The following RGS6 variants were observed in gnomAD, a reference collection of about 807,000 sequenced individuals.
RGS6 encodes the protein regulator of G-protein signaling 6.
RGS6 carries 30 observed loss-of-function variants against 78.5 expected under a neutral mutation model. That is an observed-to-expected ratio of 0.38 (90% CI 0.29 to 0.52). The LOEUF (loss-of-function observed/expected upper bound fraction) is 0.52, where lower values mean the gene tolerates loss of function less well. Among genes scored for constraint, RGS6 ranks in the 20% least tolerant of loss-of-function variants. The pLI, the probability that RGS6 is intolerant of heterozygous loss-of-function variation, is 0.85. For missense variants in RGS6, 495 were observed against 609.7 expected (o/e 0.81, Z 1.98); for synonymous variants, 206 against 206.0 (o/e 1.00, Z 0.00).
At chr14:72,040,457 C>A (rs58454939) in intron 2 of RGS6, among the ~76,000 whole-genome samples, 17,661 of 151,736 alleles carry the variant, frequency 0.12, 1,033 homozygotes, top group East Asian at 0.17. Flanking sequence ...GGCGTATAAA[C>A]TTTCTGCTGA....
At chr14:72,535,251 G>A (rs993334317) in intron 15 of RGS6, among the ~76,000 whole-genome samples, 2 of 152,174 alleles carry the variant, frequency 1.3e-5, no homozygotes, top group Non-Finnish European at 2.9e-5. Flanking sequence ...AAAAGAGGCG[G>A]CACCTTGCTG....
chr14:72,015,072 A>G (rs1480048634), intron 2 of RGS6, among the ~76,000 whole-genome samples: 1 of 152,222 alleles, frequency 6.6e-6, no homozygotes, highest in East Asian at 1.9e-4. Context: ...GTAATTAATA[A>G]AGAAAAGAAG....
At chr14:72,223,859 A>G (rs192371787) in intron 2 of RGS6, among the ~76,000 whole-genome samples, 1 of 152,290 alleles carries the variant, frequency 6.6e-6, no homozygotes. Flanking sequence ...CTTGGGCTAC[A>G]CTCCAGACCT....
intron 12 of RGS6, 82 bp downstream of exon 12, chr14:72,478,411 G>T: frequency 1.0e-6 from 1 of 995,088 alleles, no homozygotes; most frequent in Non-Finnish European, 1.6e-6. Flanking sequence ...TAACGAATGT[G>T]TTCAATGCCA....
chr14:72,629,586 T>G, the RGS6 span: 1 of 1,512,804 alleles, frequency 6.6e-7, no homozygotes, highest in Non-Finnish European at 8.9e-7. Flanking sequence ...CCCAGCTCTG[T>G]GGATTTCTCC....
Position 72,496,294 on chromosome 14 carries a change from T to C in RGS6, c.965+1032T>C, listed in dbSNP as rs1481138457. Among the ~76,000 whole-genome samples, 11 of 152,334 alleles carry C rather than the reference T, an allele frequency of 7.2e-5. No individual in the cohort carries two copies. The East Asian group carries it at 1.9e-3, about 27-fold the overall frequency. ...CAGAGTTACCACTGGATAGTCCAAA[T>C]TTTTTATGGAAACACAGCGATGGTT... On this transcript the variant is annotated intron_variant, in intron 13 of 17. Coordinates refer to ENST00000553525, the MANE Select transcript of RGS6 (RefSeq NM_001204424.2).
chr14:72,417,043 G>A (rs2093864604), intron 3 of RGS6, among the ~76,000 whole-genome samples: 1 of 152,110 alleles, frequency 6.6e-6, no homozygotes, highest in Admixed American at 6.5e-5. Context: ...TGTTGCTGCT[G>A]CCACCACAGG....
the RGS6 span, among the ~76,000 whole-genome samples, chr14:71,870,088 G>GAC: frequency 6.6e-6 from 1 of 152,350 alleles, no homozygotes; most frequent in East Asian, 1.9e-4. Context: ...GGGCTAAACT[G>GAC]TCTAACTCCA....
intron 2 of RGS6, among the ~76,000 whole-genome samples, chr14:72,092,929 A>G (rs8007421): frequency 0.22 from 33,000 of 152,008 alleles, 4,567 homozygotes; most frequent in East Asian, 0.39. Flanking sequence ...TTCTATTCCA[A>G]GATCCCATAC....
At chr14:72,191,793 T>C (rs370092747) in intron 2 of RGS6, among the ~76,000 whole-genome samples, 11 of 152,236 alleles carry the variant, frequency 7.2e-5, no homozygotes, top group African/African-American at 2.7e-4. Flanking sequence ...CCATCCATGC[T>C]GACTTTGGTG....
intron 2 of RGS6, among the ~76,000 whole-genome samples, chr14:72,274,004 A>G (rs2153931489): frequency 6.6e-6 from 1 of 152,334 alleles, no homozygotes; most frequent in Admixed American, 6.5e-5. Flanking sequence ...TCTCAAATGA[A>G]CAGTATTTCC....
At chr14:72,407,800 A>G (rs1202783214) in intron 3 of RGS6, among the ~76,000 whole-genome samples, 3 of 152,250 alleles carry the variant, frequency 2.0e-5, no homozygotes, top group African/African-American at 7.2e-5. Flanking sequence ...TGGCCTCTCA[A>G]CAGATCAAGA....
chr14:72,361,593 T>C (rs1445173579), intron 3 of RGS6, among the ~76,000 whole-genome samples: 2 of 152,082 alleles, frequency 1.3e-5, no homozygotes, highest in Admixed American at 1.3e-4. Flanking sequence ...GGCATTGAAA[T>C]GGGATAAAGT....
At chr14:72,063,862 T>C (rs1169249235) in intron 2 of RGS6, among the ~76,000 whole-genome samples, 1 of 151,988 alleles carries the variant, frequency 6.6e-6, no homozygotes, top group African/African-American at 2.4e-5. Context: ...GATCATCAGA[T>C]GGGTGTGAGT....
chr14:72,206,470 G>T (rs1443688419), intron 2 of RGS6, among the ~76,000 whole-genome samples: 3 of 151,634 alleles, frequency 2.0e-5, no homozygotes, highest in Non-Finnish European at 4.4e-5. Flanking sequence ...GCACAATATT[G>T]TGTGTGTGTG....
chr14:72,154,120 A>C (rs1017764134), intron 2 of RGS6, among the ~76,000 whole-genome samples: 1 of 152,180 alleles, frequency 6.6e-6, no homozygotes, highest in Non-Finnish European at 1.5e-5. Flanking sequence ...ATTTAGTGAT[A>C]TCTCTCCTAC....
At chr14:72,202,223 C>T (rs779348561) in intron 2 of RGS6, among the ~76,000 whole-genome samples, 1 of 152,092 alleles carries the variant, frequency 6.6e-6, no homozygotes, top group Non-Finnish European at 1.5e-5. Context: ...TCATCTTCAC[C>T]AACGGAAAGA....
chr14:72,450,181 A>G (rs2095458432), intron 3 of RGS6, among the ~76,000 whole-genome samples: 1 of 152,004 alleles, frequency 6.6e-6, no homozygotes, highest in African/African-American at 2.4e-5. Context: ...CTATACATAT[A>G]TAATTAATAG....
intron 1 of RGS6, among the ~76,000 whole-genome samples, chr14:71,946,109 T>C (rs977936335): frequency 9.9e-5 from 15 of 152,150 alleles, no homozygotes; most frequent in Non-Finnish European, 1.8e-4. Flanking sequence ...AATAAATATA[T>C]TGATTACATT....
Sources: gnomAD v4.1 joint callset for allele counts (sites outside exome capture counted in the v4.1 genomes callset) on GRCh38, gnomAD v4.1.1 for gene constraint, MANE v1.5 for transcripts, NCBI Gene and HGNC (gene_info 2026-07-23, HGNC 2026-07-21) for gene names.